The following PIR variants were observed in gnomAD, a reference collection of about 807,000 sequenced individuals.
The protein encoded by PIR is pirin.
In PIR, 22 loss-of-function variants were observed where a neutral mutation model predicts 24.2. The ratio of observed to expected loss-of-function variants is 0.91; its 90% CI spans 0.65 to 1.30. The LOEUF (loss-of-function observed/expected upper bound fraction) is 1.30, where lower values mean the gene tolerates loss of function less well. PIR is among the 50% of genes most tolerant of loss of function. The probability of loss-of-function intolerance (pLI) is 0.00; values close to 1 mark genes in which losing one functional copy is unlikely to be tolerated. For synonymous variants in PIR, 80 were observed against 79.6 expected, an observed-to-expected ratio of 1.00 and a Z score of -0.03; for missense variants, 220 against 220.3, an observed-to-expected ratio of 1.00 and a Z score of 0.01.
chrX:15,436,353 C>T (rs1343903304), intron 5 of PIR, among the ~76,000 whole-genome samples: 2 of 111,786 alleles, frequency 1.8e-5, no homozygotes, highest in African/African-American at 3.3e-5. Context: ...AAGATGATGA[C>T]GGGGACTCAC....
At chrX:15,418,989 T>G (rs906965122) in intron 6 of PIR, among the ~76,000 whole-genome samples, 45 of 111,329 alleles carry the variant, frequency 4.0e-4, no homozygotes, top group African/African-American at 1.4e-3. Context: ...ATCAAAACAT[T>G]ATAAACGAAA....
At chrX:15,463,206 C>T (rs1446361603) in intron 3 of PIR, among the ~76,000 whole-genome samples, 1 of 107,407 alleles carries the variant, frequency 9.3e-6, no homozygotes, top group Non-Finnish European at 2.0e-5. Flanking sequence ...GCCCACCTGC[C>T]CGCAGATATA....
intron 7 of PIR, among the ~76,000 whole-genome samples, chrX:15,407,004 G>A (rs888893535): frequency 2.7e-4 from 30 of 112,172 alleles, no homozygotes; most frequent in African/African-American, 8.7e-4. Context: ...TATAAAATGA[G>A]CATTGGTTAG....
chrX:15,430,598 C>T (rs762345056), intron 5 of PIR, among the ~76,000 whole-genome samples: 3 of 111,488 alleles, frequency 2.7e-5, no homozygotes, highest in African/African-American at 6.5e-5. Context: ...CACAAAACAA[C>T]CAAGACAAAA....
At chrX:15,453,193 G>T (rs1178806494) in intron 5 of PIR, among the ~76,000 whole-genome samples, 1 of 111,690 alleles carries the variant, frequency 9.0e-6, no homozygotes, top group Non-Finnish European at 1.9e-5. Context: ...TTGAGTGCAG[G>T]TTAATAACCC....
intron 6 of PIR, among the ~76,000 whole-genome samples, chrX:15,409,946 T>C (rs951655059): frequency 1.8e-5 from 2 of 110,809 alleles, no homozygotes; most frequent in Non-Finnish European, 3.8e-5. Flanking sequence ...TATAAGTTAT[T>C]TCCTTAAAAA....
intron 2 of PIR, among the ~76,000 whole-genome samples, chrX:15,486,432 G>A (rs1352773443): frequency 9.1e-6 from 1 of 110,015 alleles, no homozygotes; most frequent in East Asian, 2.8e-4. Context: ...ATAGTTCCTT[G>A]AGGATGGGGC....
At chrX:15,447,250 C>G (rs111871704) in intron 5 of PIR, among the ~76,000 whole-genome samples, 1,641 of 111,725 alleles carry the variant, frequency 0.015, 30 homozygotes, top group African/African-American at 0.048. Context: ...TTGCAGCTAT[C>G]AACAGCATAG....
chrX:15,473,422 T>C (rs776726694), intron 3 of PIR, among the ~76,000 whole-genome samples: 2 of 112,496 alleles, frequency 1.8e-5, no homozygotes, highest in Non-Finnish European at 3.8e-5. Flanking sequence ...AATATTTAAA[T>C]TGGCTACAAT....
chrX:15,436,722 TAA>T (rs1249360520), intron 5 of PIR, among the ~76,000 whole-genome samples: 2 of 112,646 alleles, frequency 1.8e-5, no homozygotes, highest in African/African-American at 6.4e-5. Context: ...TGCTATTTAC[TAA>T]AATATTTTTA....
intron 3 of PIR, among the ~76,000 whole-genome samples, chrX:15,469,627 G>T (rs987073118): frequency 3.6e-5 from 4 of 111,423 alleles, no homozygotes; most frequent in African/African-American, 1.3e-4. Flanking sequence ...GAAGAAATTT[G>T]GGGGAAAAAA....
chrX:15,469,848 C>G (rs761367994), intron 3 of PIR, among the ~76,000 whole-genome samples: 14 of 111,284 alleles, frequency 1.3e-4, no homozygotes, highest in Admixed American at 1.1e-3. Context: ...GTTCAGAGGA[C>G]AAGTGAGAGC....
chrX:15,485,178 T>C (rs1471043953), intron 2 of PIR, among the ~76,000 whole-genome samples: 2 of 112,295 alleles, frequency 1.8e-5, no homozygotes, highest in African/African-American at 3.2e-5. Flanking sequence ...TATAACATAA[T>C]ACTATAAACT....
intron 1 of PIR, 30 bp from the exon 2 acceptor site, chrX:15,491,339 G>A: frequency 1.7e-6 from 1 of 603,741 alleles, no homozygotes; most frequent in Non-Finnish European, 2.6e-6. Flanking sequence ...AAAAAAAGAA[G>A]TCATAAAGGA....
At chrX:15,473,756 C>T (rs1361176990) in intron 3 of PIR, among the ~76,000 whole-genome samples, 2 of 111,741 alleles carry the variant, frequency 1.8e-5, no homozygotes, top group Admixed American at 9.4e-5. Context: ...AAGGTTTCAC[C>T]ATGTTGGCCA....
chrX:15,409,310 G>A (rs1924659659), intron 6 of PIR, among the ~76,000 whole-genome samples: 1 of 106,750 alleles, frequency 9.4e-6, no homozygotes, highest in African/African-American at 3.5e-5. Context: ...TGTTAGCCAG[G>A]ATGGTCTCGA....
In PIR at chrX:15,448,611, G is replaced by C. The variant is rs763049191; in HGVS notation, c.480+7237C>G. ...GCAAAATCCAGAGGTAGACAAACTTGGGTTTTTCTCCATCCCCATATTTTG... is the reference window on the plus strand; with the variant it reads ...GCAAAATCCAGAGGTAGACAAACTTCGGTTTTTCTCCATCCCCATATTTTG... On this transcript the variant is annotated intron_variant, in intron 5 of 9. Transcript: ENST00000380420. Among the ~76,000 whole-genome samples the C allele has an allele frequency of 1.4e-4, 16 of 112,037 alleles. No individual in the cohort carries two copies. The South Asian group carries it at 6.0e-3, about 42-fold the overall frequency.
chrX:15,389,323 G>A (rs1409912568), intron 9 of PIR, among the ~76,000 whole-genome samples: 1 of 111,774 alleles, frequency 8.9e-6, no homozygotes, highest in Admixed American at 9.5e-5. Context: ...TACAGGCAAG[G>A]CAGGGTACAA....
At chrX:15,444,444 G>A (rs950220660) in intron 5 of PIR, among the ~76,000 whole-genome samples, 1 of 112,160 alleles carries the variant, frequency 8.9e-6, no homozygotes, top group African/African-American at 3.2e-5. Context: ...AAAAAAATGT[G>A]TGATTCGCTT....
Sources: allele counts gnomAD v4.1 joint callset (sites outside exome capture counted in the v4.1 genomes callset), GRCh38; gene constraint gnomAD v4.1.1; transcripts MANE v1.5; gene names NCBI Gene and HGNC (gene_info 2026-07-23, HGNC 2026-07-21).